The following MED19 variants were observed in gnomAD, a reference collection of about 807,000 sequenced individuals.
MED19 encodes mediator of RNA polymerase II transcription subunit 19.
MED19 carries 4 observed loss-of-function variants against 19.9 expected under a neutral mutation model. That is an observed-to-expected ratio of 0.20 (90% CI 0.10 to 0.46). The LOEUF (loss-of-function observed/expected upper bound fraction) is 0.46. Ranked by LOEUF, MED19 falls within the 20% of genes least tolerant of loss-of-function variation. MED19 has a pLI of 0.99. For synonymous variants in MED19, 139 were observed against 119.6 expected (o/e 1.16, Z -1.06); for missense variants, 303 against 318.7 (o/e 0.95, Z 0.38).
At chr11:57,708,250 C>CTCACACAA (rs1946529806) in intron 1 of MED19, among the ~76,000 whole-genome samples, 1 of 152,156 alleles carries the variant, frequency 6.6e-6, no homozygotes, top group African/African-American at 2.4e-5. Context: ...ATCAGTACTC[C>CTCACACAA]TCAGTTCACA....
chr11:57,704,088 G>A (rs1946479502), exon 5 of MED19: 1 of 1,536,176 alleles, frequency 6.5e-7, no homozygotes, highest in Non-Finnish European at 8.7e-7. Flanking sequence ...ATACCTGGGT[G>A]GTCTGGACTA....
chr11:57,711,998 C>A, exon 1 of MED19: 2 of 1,514,602 alleles, frequency 1.3e-6, no homozygotes, highest in Non-Finnish European at 1.8e-6. Context: ...AGGGCCACAG[C>A]CAGCTCCTGA....
chr11:57,705,322 T>A, intron 1 of MED19, 93 bp from the exon 2 acceptor site: 1 of 1,361,750 alleles, frequency 7.3e-7, no homozygotes, highest in Non-Finnish European at 9.9e-7. Context: ...AGACATTTTT[T>A]AAGTGCAGAT....
chr11:57,704,367 T>G, exon 4 of MED19: 1 of 1,537,030 alleles, frequency 6.5e-7, no homozygotes, highest in Non-Finnish European at 8.7e-7. Context: ...TTCTTTTTCT[T>G]CTTCTTGTGA....
At chr11:57,704,854 G>A (rs372255630) in intron 2 of MED19, 39 bp from the exon 3 acceptor site, 269 of 1,610,322 alleles carry the variant, frequency 1.7e-4, no homozygotes, top group Non-Finnish European at 2.2e-4. Flanking sequence ...AGTAGAGGGA[G>A]GAAATCTCTC....
chr11:57,709,949 C>G (rs992831535), intron 1 of MED19, among the ~76,000 whole-genome samples: 4 of 152,324 alleles, frequency 2.6e-5, no homozygotes, highest in Non-Finnish European at 4.4e-5. Flanking sequence ...CTGGTTCAAA[C>G]CATTATCTTT....
chr11:57,703,908 A>C (rs1454759116), exon 5 of MED19: 2 of 1,396,424 alleles, frequency 1.4e-6, no homozygotes, highest in Non-Finnish European at 1.9e-6. Flanking sequence ...AACTGAGCCC[A>C]ACAGGAGCTG....
chr11:57,707,969 A>C (rs1394766149), intron 1 of MED19, among the ~76,000 whole-genome samples: 1 of 152,086 alleles, frequency 6.6e-6, no homozygotes, highest in Non-Finnish European at 1.5e-5. Context: ...GGTAGCTGGG[A>C]CTACATGCAT....
At chr11:57,707,484 GC>G (rs1167874473) in intron 1 of MED19, among the ~76,000 whole-genome samples, 1 of 152,186 alleles carries the variant, frequency 6.6e-6, no homozygotes, top group African/African-American at 2.4e-5. Flanking sequence ...TATCGCTAGT[GC>G]CCAGCACAGT....
intron 1 of MED19, among the ~76,000 whole-genome samples, chr11:57,709,056 C>T (rs1946535485): frequency 6.6e-6 from 1 of 152,154 alleles, no homozygotes. Context: ...TCCCTCAAGT[C>T]ATGATGTGGA....
intron 4 of MED19, 33 bp from the exon 5 acceptor site, chr11:57,704,139 A>G: frequency 2.6e-6 from 4 of 1,536,052 alleles, no homozygotes; most frequent in Non-Finnish European, 3.5e-6. Context: ...AAGAACAACT[A>G]GGAACTAGCC....
At chr11:57,712,215 C>G (rs1275301853) in exon 1 of MED19, 11 of 1,477,182 alleles carry the variant, frequency 7.4e-6, no homozygotes, top group South Asian at 4.0e-5. Context: ...CCGTGTCTGC[C>G]GTTGGTAATT....
chr11:57,705,867 T>C (rs901555760), intron 1 of MED19, among the ~76,000 whole-genome samples: 21 of 152,264 alleles, frequency 1.4e-4, no homozygotes, highest in Admixed American at 3.9e-4. Flanking sequence ...TCTGAGTGTT[T>C]CTCATAAAAT....
chr11:57,710,734 T>C (rs1404025801), intron 1 of MED19, among the ~76,000 whole-genome samples: 2 of 152,134 alleles, frequency 1.3e-5, no homozygotes, highest in Non-Finnish European at 2.9e-5. Context: ...TCTCATCTGT[T>C]GCCCAGGCTG....
chr11:57,704,579 T>C, intron 3 of MED19, 140 bp downstream of exon 3: 1 of 1,604,904 alleles, frequency 6.2e-7, no homozygotes, highest in Non-Finnish European at 8.5e-7. Flanking sequence ...TACATTGGTT[T>C]CTTCTTCAGG....
chr11:57,703,726 A>AT, exon 5 of MED19: 3 of 290,066 alleles, frequency 1.0e-5, no homozygotes, highest in Non-Finnish European at 6.4e-6. Flanking sequence ...TGATAAATGT[A>AT]ATTTTTTTTT....
At chr11:57,710,274 A>T (rs1236391281) in intron 1 of MED19, among the ~76,000 whole-genome samples, 2 of 152,202 alleles carry the variant, frequency 1.3e-5, no homozygotes, top group Non-Finnish European at 2.9e-5. Flanking sequence ...AGGTGGGACG[A>T]CAGCATGAGC....
rs1946496779 is a variant in MED19 at position 57,705,316 on chromosome 11, A to AT, written c.218-88dup. 9 of 1,394,374 alleles carry AT rather than the reference A, an allele frequency of 6.5e-6. 1 individual carries two copies. The highest frequency in any genetic ancestry group is 3.7e-4 in the Middle Eastern group (2 of 5,406). 86.4% of individuals were successfully genotyped at this position (1,394,374 alleles called of 1,614,324 possible). ...GACTATATATTAACCTAAATAAGAC[A>AT]TTTTTTAAGTGCAGATTTTAAAATT... On this transcript the variant is annotated intron_variant, in intron 1 of 4. Coordinates refer to ENST00000431606, the Ensembl canonical transcript of MED19.
At chr11:57,707,218 A>G (rs1447063761) in intron 1 of MED19, among the ~76,000 whole-genome samples, 1 of 151,586 alleles carries the variant, frequency 6.6e-6, no homozygotes, top group Admixed American at 6.6e-5. Context: ...AAAAAAAAGT[A>G]TTATATGTAT....
Sources: gnomAD v4.1 joint callset for allele counts (sites outside exome capture counted in the v4.1 genomes callset) on GRCh38, gnomAD v4.1.1 for gene constraint, MANE v1.5 for transcripts, NCBI Gene and HGNC (gene_info 2026-07-23, HGNC 2026-07-21) for gene names.